The following GARRE1 variants were observed in gnomAD, a reference collection of about 807,000 sequenced individuals.
GARRE1 encodes the protein granule associated Rac and RHOG effector protein 1.
Under a neutral mutation model 103.2 loss-of-function variants are expected in GARRE1, and 49 were observed. The ratio of observed to expected loss-of-function variants is 0.47; its 90% CI spans 0.38 to 0.60. The LOEUF (loss-of-function observed/expected upper bound fraction) is 0.60, where lower values mean the gene tolerates loss of function less well. GARRE1 is among the 20% of genes least tolerant of loss of function. The pLI, the probability that GARRE1 is intolerant of heterozygous loss-of-function variation, is 0.00. For synonymous variants in GARRE1, 505 were observed against 532.8 expected, an observed-to-expected ratio of 0.95 and a Z score of 0.72; for missense variants, 1,199 against 1,370.5, an observed-to-expected ratio of 0.87 and a Z score of 1.98.
chr19:34,307,803 T>A (rs1461435181), intron 2 of GARRE1, among the ~76,000 whole-genome samples: 9 of 127,686 alleles, frequency 7.0e-5, no homozygotes, highest in East Asian at 6.3e-4. Flanking sequence ...AAAAAAAAAA[T>A]ATATATATAT....
At chr19:34,345,099 A>G (rs567059975) in intron 10 of GARRE1, among the ~76,000 whole-genome samples, 28 of 152,116 alleles carry the variant, frequency 1.8e-4, no homozygotes, top group African/African-American at 6.3e-4. Context: ...CGGCCTCCCA[A>G]AGTGCTGGGA....
chr19:34,261,675 G>C (rs542083092), intron 1 of GARRE1, among the ~76,000 whole-genome samples: 1 of 152,304 alleles, frequency 6.6e-6, no homozygotes, highest in African/African-American at 2.4e-5. Context: ...CAAAGGTGTG[G>C]AGGTGAGAGC....
At chr19:34,311,660 G>C (rs1030529315) in intron 2 of GARRE1, among the ~76,000 whole-genome samples, 1 of 152,130 alleles carries the variant, frequency 6.6e-6, no homozygotes, top group Non-Finnish European at 1.5e-5. Context: ...GTCCAGGCTG[G>C]AGTACAGTGG....
At chr19:34,313,418 A>G (rs1247880917) in intron 2 of GARRE1, among the ~76,000 whole-genome samples, 4 of 152,156 alleles carry the variant, frequency 2.6e-5, no homozygotes, top group South Asian at 2.1e-4. Flanking sequence ...AAGATTTGCC[A>G]TGGTTACACC....
chr19:34,296,280 T>G, intron 1 of GARRE1: 1 of 696,376 alleles, frequency 1.4e-6, no homozygotes, highest in South Asian at 1.6e-5. Flanking sequence ...AGATATCTAC[T>G]CTGAAGCCTT....
chr19:34,266,190 AGTGGCAGAGCCAGAAGCCAGCCTGGAG>A (rs1223674305), intron 1 of GARRE1, among the ~76,000 whole-genome samples: 1 of 152,222 alleles, frequency 6.6e-6, no homozygotes, highest in Non-Finnish European at 1.5e-5. Context: ...GGCGCAGATA[AGTGGCAGAGCCAGAAGCCAGCCTGGAG>A]GTGAACCACT....
intron 2 of GARRE1, among the ~76,000 whole-genome samples, chr19:34,319,282 A>G (rs1057054159): frequency 6.6e-6 from 1 of 152,204 alleles, no homozygotes; most frequent in African/African-American, 2.4e-5. Flanking sequence ...TCACTGATAT[A>G]TATCAGGTTA....
chr19:34,310,442 C>G (rs917502501), intron 2 of GARRE1, among the ~76,000 whole-genome samples: 7 of 152,240 alleles, frequency 4.6e-5, no homozygotes, highest in African/African-American at 1.7e-4. Flanking sequence ...AGGCCATCCC[C>G]CTGTGAGAAC....
intron 12 of GARRE1, among the ~76,000 whole-genome samples, chr19:34,350,763 A>C (rs1186746961): frequency 1.3e-4 from 19 of 151,966 alleles, no homozygotes; most frequent in Admixed American, 1.2e-3. Context: ...TTGTATTTTT[A>C]GTAGAGACAG....
At chr19:34,301,737 C>T (rs565602889) in intron 2 of GARRE1, among the ~76,000 whole-genome samples, 2 of 148,698 alleles carry the variant, frequency 1.3e-5, no homozygotes, top group Non-Finnish European at 3.0e-5. Flanking sequence ...GGCTGGAGTG[C>T]GGTGGCACGA....
At chr19:34,274,843 T>C (rs2073807638) in intron 1 of GARRE1, among the ~76,000 whole-genome samples, 1 of 152,138 alleles carries the variant, frequency 6.6e-6, no homozygotes, top group African/African-American at 2.4e-5. Flanking sequence ...TGGTAACAGA[T>C]AGAGGGAGCT....
chr19:34,290,017 A>C lies in GARRE1; in HGVS notation c.-795-9662A>C, dbSNP rs1160514416. Among the ~76,000 whole-genome samples the C allele has an allele frequency of 4.6e-5, 7 of 152,122 alleles. 1 individual carries two copies. The South Asian group carries it at 1.4e-3, about 32-fold the overall frequency. On this transcript the variant is annotated intron_variant, in intron 1 of 13. Coordinates refer to ENST00000299505, the MANE Select transcript of GARRE1 (RefSeq NM_014686.5). ...CAGATGTTCCTTGACTTATGATGGGAGTTTATGTCCTGATAAACCTCTCAT... is the reference window on the plus strand; with the variant it reads ...CAGATGTTCCTTGACTTATGATGGGCGTTTATGTCCTGATAAACCTCTCAT...
chr19:34,334,195 G>A (rs1020939710), intron 8 of GARRE1, among the ~76,000 whole-genome samples: 13 of 152,120 alleles, frequency 8.5e-5, no homozygotes, highest in Admixed American at 6.5e-5. Context: ...CAATCCTGAT[G>A]ATCTTGAGCT....
chr19:34,267,177 G>A (rs1017505336), intron 1 of GARRE1, among the ~76,000 whole-genome samples: 2 of 152,100 alleles, frequency 1.3e-5, no homozygotes, highest in African/African-American at 4.8e-5. Context: ...GAGGTGGGAA[G>A]TTGCCTGAGC....
chr19:34,291,360 G>A (rs2073917071), intron 1 of GARRE1, among the ~76,000 whole-genome samples: 2 of 152,126 alleles, frequency 1.3e-5, no homozygotes, highest in Admixed American at 1.3e-4. Flanking sequence ...ATTATTATTA[G>A]TTTTTGCTAT....
At chr19:34,316,950 G>A (rs1041937901) in intron 2 of GARRE1, among the ~76,000 whole-genome samples, 1 of 152,178 alleles carries the variant, frequency 6.6e-6, no homozygotes, top group Non-Finnish European at 1.5e-5. Flanking sequence ...CTACAGCAGG[G>A]TTCTGCCCTC....
In GARRE1 at chr19:34,353,038, G is replaced by A; in HGVS notation, c.*83G>A. On this transcript the variant is annotated 3_prime_UTR_variant, in exon 14 of 14. Coordinates refer to ENST00000299505, the MANE Select transcript of GARRE1 (RefSeq NM_014686.5). ...AGTGTCCCCACCCCAGGGCCACTTA[G>A]CTGACACCAGCCCCTCAGAGGACCA... 1 of 1,286,438 alleles carries A rather than the reference G, an allele frequency of 7.8e-7. No individual in the cohort carries two copies. The allele number at this position is 1,286,438 out of a possible 1,614,324, so 79.7% of individuals were successfully genotyped here. A position where few individuals can be genotyped will look rare whatever the true frequency, so the allele number is the denominator to read the frequency against.
chr19:34,260,248 G>A (rs974095869), intron 1 of GARRE1, among the ~76,000 whole-genome samples: 26 of 152,192 alleles, frequency 1.7e-4, no homozygotes, highest in African/African-American at 5.1e-4. Flanking sequence ...GCATTTTTTA[G>A]TAATGAAGTA....
Position 34,352,958 on chromosome 19 carries a change from C to A in GARRE1, c.*3C>A. On this transcript the variant is annotated 3_prime_UTR_variant, in exon 14 of 14. Coordinates refer to ENST00000299505, the MANE Select transcript of GARRE1 (RefSeq NM_014686.5). ...CAGCCTATCTGCCCCAGTACTGACCCCAGGCCAGCCAGCCTGCCTGCCTGC... is the reference window on the plus strand; with the variant it reads ...CAGCCTATCTGCCCCAGTACTGACCACAGGCCAGCCAGCCTGCCTGCCTGC... 1 of 1,479,432 alleles carries A rather than the reference C, an allele frequency of 6.8e-7. No individual in the cohort carries two copies. The highest frequency in any genetic ancestry group is 2.6e-5 in the East Asian group (1 of 37,970). 91.6% of individuals were successfully genotyped at this position (1,479,432 alleles called of 1,614,324 possible).
Sources: gnomAD v4.1 joint callset for allele counts (sites outside exome capture counted in the v4.1 genomes callset) on GRCh38, gnomAD v4.1.1 for gene constraint, MANE v1.5 for transcripts, NCBI Gene and HGNC (gene_info 2026-07-23, HGNC 2026-07-21) for gene names.